Variants in LRRC4C observed in about 807,000 individuals in gnomAD.
The protein encoded by LRRC4C is leucine-rich repeat-containing protein 4C.
In LRRC4C, 5 loss-of-function variants were observed where a neutral mutation model predicts 33.6. The observed-to-expected ratio is 0.15, with a 90% confidence interval of 0.08 to 0.31. LRRC4C has a LOEUF of 0.31. Ranked by LOEUF, LRRC4C falls within the 10% of genes least tolerant of loss-of-function variation. The pLI is 1.00. For synonymous variants in LRRC4C, 329 were observed against 302.0 expected, an observed-to-expected ratio of 1.09 and a Z score of -0.93; for missense variants, 560 against 796.7, an observed-to-expected ratio of 0.70 and a Z score of 3.58.
chr11:40,119,393 C>T (rs1051598043), intron 6 of LRRC4C, among the ~76,000 whole-genome samples: 11 of 152,064 alleles, frequency 7.2e-5, no homozygotes, highest in African/African-American at 2.7e-4. Context: ...GGCCAACTAA[C>T]TTGATTCCTT....
At chr11:41,448,476 T>C (rs1955912533) in intron 1 of LRRC4C, among the ~76,000 whole-genome samples, 1 of 151,860 alleles carries the variant, frequency 6.6e-6, no homozygotes, top group Non-Finnish European at 1.5e-5. Flanking sequence ...TGGCTAATTT[T>C]TGTAGTTTTG....
At chr11:40,628,934 A>G (rs533734977) in intron 3 of LRRC4C, among the ~76,000 whole-genome samples, 3 of 152,272 alleles carry the variant, frequency 2.0e-5, no homozygotes, top group African/African-American at 4.8e-5. Flanking sequence ...AAAGCCATGT[A>G]TTTTCTCAGT....
At chr11:40,602,400 C>A (rs919107993) in intron 3 of LRRC4C, among the ~76,000 whole-genome samples, 3 of 151,860 alleles carry the variant, frequency 2.0e-5, no homozygotes, top group African/African-American at 7.3e-5. Context: ...TCCATGTGTG[C>A]AAATTGTGTT....
chr11:40,132,860 G>GA (rs1219252526), intron 6 of LRRC4C, among the ~76,000 whole-genome samples: 1 of 151,926 alleles, frequency 6.6e-6, no homozygotes, highest in Non-Finnish European at 1.5e-5. Context: ...CTTTCAGTTT[G>GA]AAAAATATAG....
At chr11:40,508,667 G>A (rs1955157123) in intron 3 of LRRC4C, among the ~76,000 whole-genome samples, 1 of 152,058 alleles carries the variant, frequency 6.6e-6, no homozygotes, top group South Asian at 2.1e-4. Flanking sequence ...TTTGAAACTG[G>A]GAGTTCAATG....
At chr11:41,175,049 T>C (rs1945139212) in intron 1 of LRRC4C, among the ~76,000 whole-genome samples, 1 of 152,158 alleles carries the variant, frequency 6.6e-6, no homozygotes, top group African/African-American at 2.4e-5. Flanking sequence ...TTGGTTCTGC[T>C]GATCAAATAC....
In LRRC4C at chr11:40,432,916, T is replaced by C. The variant is rs139993402; in HGVS notation, c.-269-113195A>G. 6.0e-3 allele frequency among the ~76,000 whole-genome samples: 921 copies of C among 152,326 alleles called. 15 individuals carry two copies. The highest frequency in any genetic ancestry group is 0.021 in the African/African-American group (876 of 41,578). ...AAATAGACCCAATGTTAGCAATGAATGTAAAATCAATAAGTTTATTTATTT... is the reference window on the plus strand; with the variant it reads ...AAATAGACCCAATGTTAGCAATGAACGTAAAATCAATAAGTTTATTTATTT... On this transcript the variant is annotated intron_variant, in intron 3 of 6. Transcript: ENST00000528697.
chr11:40,800,452 G>A (rs1950995414), intron 2 of LRRC4C, among the ~76,000 whole-genome samples: 1 of 152,166 alleles, frequency 6.6e-6, no homozygotes, highest in African/African-American at 2.4e-5. Context: ...GAGACTGGAT[G>A]ATTACTAAGT....
chr11:40,256,412 T>C (rs187435015), intron 4 of LRRC4C, among the ~76,000 whole-genome samples: 1 of 152,142 alleles, frequency 6.6e-6, no homozygotes, highest in African/African-American at 2.4e-5. Context: ...AAAATCTTGG[T>C]AGAGTGCATG....
intron 1 of LRRC4C, among the ~76,000 whole-genome samples, chr11:41,231,412 T>C (rs750988567): frequency 1.8e-4 from 28 of 151,766 alleles, no homozygotes; most frequent in Admixed American, 7.9e-4. Context: ...GTGGCACATA[T>C]ACACCATGGA....
At position 40,627,896 on chromosome 11, in the gene LRRC4C, C is replaced by T. The variant is rs137864962; in HGVS notation, c.-270+20246G>A. On this transcript the variant is annotated intron_variant, in intron 3 of 6. Transcript: ENST00000528697. ...ATAAGCAGTTCTGGTGAAAGAGTCA[C>T]GTAATATTGTAATGATGTCCTATGT... 4.8e-3 allele frequency among the ~76,000 whole-genome samples: 729 copies of T among 152,206 alleles called. 6 individuals are homozygous for T. Among genetic ancestry groups the T allele is most frequent in the African/African-American group, 0.017 (696 of 41,540 alleles).
intron 5 of LRRC4C, among the ~76,000 whole-genome samples, chr11:40,141,889 T>G (rs1266158995): frequency 6.8e-6 from 1 of 147,504 alleles, no homozygotes; most frequent in Non-Finnish European, 1.5e-5. Flanking sequence ...GTCATAGCAA[T>G]ATATCACTAA....
At chr11:40,488,961 T>C (rs1209654525) in intron 3 of LRRC4C, among the ~76,000 whole-genome samples, 1 of 152,130 alleles carries the variant, frequency 6.6e-6, no homozygotes, top group Non-Finnish European at 1.5e-5. Context: ...GAAGACAGCA[T>C]AAAAGGTTTT....
At chr11:40,853,222 A>G (rs1953600311) in intron 2 of LRRC4C, among the ~76,000 whole-genome samples, 1 of 152,052 alleles carries the variant, frequency 6.6e-6, no homozygotes, top group Admixed American at 6.6e-5. Flanking sequence ...AAAATAAATG[A>G]CTACATTACT....
At chr11:41,094,348 A>T (rs1387439583) in intron 1 of LRRC4C, among the ~76,000 whole-genome samples, 1 of 151,298 alleles carries the variant, frequency 6.6e-6, no homozygotes. Flanking sequence ...ACACGGTGAA[A>T]CCCCGTCTCT....
intron 4 of LRRC4C, among the ~76,000 whole-genome samples, chr11:40,251,546 G>A (rs1006595144): frequency 2.0e-5 from 3 of 152,082 alleles, no homozygotes; most frequent in Admixed American, 6.5e-5. Flanking sequence ...AGGAAAATAA[G>A]AATAACTAAA....
intron 1 of LRRC4C, among the ~76,000 whole-genome samples, chr11:41,316,053 C>T (rs908729075): frequency 6.6e-6 from 1 of 151,982 alleles, no homozygotes; most frequent in Admixed American, 6.6e-5. Context: ...ACTTCAGAGC[C>T]TAGGATCTTC....
At position 40,500,064 on chromosome 11, in the gene LRRC4C, A is replaced by G. The variant is rs546791812; in HGVS notation, c.-270+148078T>C. Among the ~76,000 whole-genome samples the G allele has an allele frequency of 1.2e-4, 19 of 152,132 alleles. No individual in the cohort carries two copies. In the East Asian group the frequency reaches 3.7e-3, roughly 30 times the overall value. On this transcript the variant is annotated intron_variant, in intron 3 of 6. Transcript: ENST00000528697. Reference sequence around the variant, plus strand: ...ATGGAAATATCTGCAATAAAACCTGATTCAAATAATGAAGTGTTCAGTGGT... The same window carrying G: ...ATGGAAATATCTGCAATAAAACCTGGTTCAAATAATGAAGTGTTCAGTGGT...
intron 1 of LRRC4C, among the ~76,000 whole-genome samples, chr11:41,418,301 C>G (rs1254712393): frequency 6.6e-6 from 1 of 151,882 alleles, no homozygotes; most frequent in Admixed American, 6.6e-5. Context: ...ATTAGCCATT[C>G]ACAAGAAATA....
Sources: gnomAD v4.1 joint callset for allele counts (sites outside exome capture counted in the v4.1 genomes callset) on GRCh38, gnomAD v4.1.1 for gene constraint, MANE v1.5 for transcripts, NCBI Gene and HGNC (gene_info 2026-07-23, HGNC 2026-07-21) for gene names.